Variants in DIP2C observed in about 807,000 individuals in gnomAD.
The protein encoded by DIP2C is disco-interacting protein 2 homolog C.
Under a neutral mutation model 192.4 loss-of-function variants are expected in DIP2C, and 33 were observed. The ratio of observed to expected loss-of-function variants is 0.17; its 90% CI spans 0.13 to 0.23. DIP2C has a LOEUF of 0.23. Ranked by LOEUF, DIP2C falls within the 10% of genes least tolerant of loss-of-function variation. DIP2C has a pLI of 1.00. For synonymous variants in DIP2C, 979 were observed against 864.1 expected, an observed-to-expected ratio of 1.13 and a Z score of -2.33; for missense variants, 1,537 against 2,110.1, an observed-to-expected ratio of 0.73 and a Z score of 5.32.
At chr10:473,652 A>G (rs1970828751) in intron 2 of DIP2C, among the ~76,000 whole-genome samples, 1 of 152,216 alleles carries the variant, frequency 6.6e-6, no homozygotes, top group Non-Finnish European at 1.5e-5. Context: ...ATACCACAGG[A>G]AGGACGTCAT....
At chr10:405,997 C>T (rs997015749) in intron 9 of DIP2C, among the ~76,000 whole-genome samples, 26 of 152,212 alleles carry the variant, frequency 1.7e-4, no homozygotes, top group African/African-American at 6.3e-4. Flanking sequence ...CCTGACCCAA[C>T]CAAGCCAAAC....
chr10:610,186 GACATT>G (rs970551251), intron 1 of DIP2C, among the ~76,000 whole-genome samples: 1 of 152,172 alleles, frequency 6.6e-6, no homozygotes, highest in Non-Finnish European at 1.5e-5. Flanking sequence ...GGAGCTGGAG[GACATT>G]ACATTAAGCA....
At chr10:585,971 A>C (rs568923140) in intron 1 of DIP2C, among the ~76,000 whole-genome samples, 1 of 152,148 alleles carries the variant, frequency 6.6e-6, no homozygotes. Context: ...GCAATTTGGT[A>C]ATGACGCTTC....
intron 4 of DIP2C, among the ~76,000 whole-genome samples, chr10:423,773 T>C (rs1966377621): frequency 6.6e-6 from 1 of 152,088 alleles, no homozygotes; most frequent in South Asian, 2.1e-4. Flanking sequence ...AAGACACTGA[T>C]GATGGTAACA....
chr10:330,314 C>A (rs918282301), intron 29 of DIP2C, among the ~76,000 whole-genome samples: 6 of 151,800 alleles, frequency 4.0e-5, no homozygotes, highest in African/African-American at 1.5e-4. Context: ...TACCTTCATA[C>A]TAGAGAACAG....
At chr10:582,841 C>G (rs570513092) in intron 1 of DIP2C, among the ~76,000 whole-genome samples, 1 of 152,262 alleles carries the variant, frequency 6.6e-6, no homozygotes, top group South Asian at 2.1e-4. Context: ...CCTGGAGGTT[C>G]TAATTGAGAA....
chr10:599,341 A>G (rs1157895258), intron 1 of DIP2C, among the ~76,000 whole-genome samples: 1 of 152,212 alleles, frequency 6.6e-6, no homozygotes, highest in Non-Finnish European at 1.5e-5. Context: ...AGTTTCTCCT[A>G]TTATCCATGA....
At chr10:333,410 T>C (rs1485634080) in intron 29 of DIP2C, among the ~76,000 whole-genome samples, 3 of 151,696 alleles carry the variant, frequency 2.0e-5, no homozygotes, top group African/African-American at 7.3e-5. Context: ...TCATTCTACT[T>C]TGTTTACAAA....
At chr10:592,637 T>C (rs887836602) in intron 1 of DIP2C, among the ~76,000 whole-genome samples, 5 of 152,190 alleles carry the variant, frequency 3.3e-5, no homozygotes, top group Non-Finnish European at 5.9e-5. Context: ...TTAGCAACCC[T>C]GTTTGGAGGC....
chr10:392,569 C>T (rs147774764), intron 10 of DIP2C, among the ~76,000 whole-genome samples: 336 of 152,286 alleles, frequency 2.2e-3, no homozygotes, highest in African/African-American at 7.1e-3. Context: ...GAGTGCCCCC[C>T]GCGGCCCCGT....
chr10:307,929 G>C (rs1288552895), intron 32 of DIP2C, among the ~76,000 whole-genome samples: 4 of 150,906 alleles, frequency 2.7e-5, no homozygotes, highest in African/African-American at 4.9e-5. Context: ...GGAGGCTTTG[G>C]GGGTGCCTGG....
At chr10:331,043 T>C (rs1287695905) in intron 29 of DIP2C, among the ~76,000 whole-genome samples, 1 of 149,956 alleles carries the variant, frequency 6.7e-6, no homozygotes, top group East Asian at 2.0e-4. Flanking sequence ...CTCAAACTCC[T>C]GGCTTCAAGT....
intron 1 of DIP2C, among the ~76,000 whole-genome samples, chr10:594,285 C>T (rs1263287372): frequency 6.6e-6 from 1 of 152,196 alleles, no homozygotes; most frequent in Non-Finnish European, 1.5e-5. Flanking sequence ...TCACACCTGA[C>T]ACCTAAGAAT....
chr10:325,131 G>A (rs1200327417), intron 31 of DIP2C: 2 of 350,192 alleles, frequency 5.7e-6, no homozygotes, highest in Non-Finnish European at 1.1e-5. Context: ...TGCGCTTGGT[G>A]GCGAGCACCT....
intron 1 of DIP2C, among the ~76,000 whole-genome samples, chr10:501,073 G>A (rs1289575809): frequency 6.6e-6 from 1 of 152,136 alleles, no homozygotes; most frequent in Non-Finnish European, 1.5e-5. Flanking sequence ...TTTCTCTGAG[G>A]CCAGTGAGCT....
intron 10 of DIP2C, among the ~76,000 whole-genome samples, chr10:392,840 A>G (rs548770603): frequency 4.8e-4 from 73 of 151,672 alleles, no homozygotes; most frequent in African/African-American, 1.7e-3. Context: ...ACGCCCACGC[A>G]CACACACGTC....
At chr10:529,156 GC>G (rs927940262) in intron 1 of DIP2C, among the ~76,000 whole-genome samples, 1 of 152,172 alleles carries the variant, frequency 6.6e-6, no homozygotes, top group African/African-American at 2.4e-5. Context: ...CCATCTCATG[GC>G]CCCCATCTCA....
chr10:315,264 ACATGT>A (rs1956728386), intron 31 of DIP2C, among the ~76,000 whole-genome samples: 1 of 152,252 alleles, frequency 6.6e-6, no homozygotes, highest in South Asian at 2.1e-4. Flanking sequence ...AAAAATATTT[ACATGT>A]CTACATATTG....
At chr10:514,947 GCTTT>G (rs995293144) in intron 1 of DIP2C, among the ~76,000 whole-genome samples, 4 of 152,084 alleles carry the variant, frequency 2.6e-5, no homozygotes, top group African/African-American at 9.7e-5. Flanking sequence ...CAAAAAACAA[GCTTT>G]TTTTAACTTC....
Sources: allele counts gnomAD v4.1 joint callset (sites outside exome capture counted in the v4.1 genomes callset), GRCh38; gene constraint gnomAD v4.1.1; transcripts MANE v1.5; gene names NCBI Gene and HGNC (gene_info 2026-07-23, HGNC 2026-07-21).